KRAS: variants seen among roughly 807,000 people sequenced by gnomAD.
KRAS encodes the protein GTPase KRas.
KRAS carries 1 observed loss-of-function variant against 21.0 expected under a neutral mutation model. The ratio of observed to expected loss-of-function variants is 0.05; its 90% CI spans 0.02 to 0.23. The LOEUF is 0.23. Among genes scored for constraint, KRAS ranks in the 10% least tolerant of loss-of-function variants. The probability of loss-of-function intolerance (pLI) is 1.00; values close to 1 mark genes in which losing one functional copy is unlikely to be tolerated. For missense variants in KRAS, 107 were observed against 221.8 expected (o/e 0.48, Z 3.29); for synonymous variants, 67 against 72.5 (o/e 0.92, Z 0.39).
chr12:25,221,178 A>G (rs1951319868), intron 4 of KRAS, among the ~76,000 whole-genome samples: 1 of 152,084 alleles, frequency 6.6e-6, no homozygotes, highest in African/African-American at 2.4e-5. Flanking sequence ...CACTAAAGTT[A>G]CCCAGAGAAT....
rs1246589061 is a variant in KRAS, at chr12:25,207,992, T to G, written c.*1803A>C. 2 of 233,088 alleles carry G rather than the reference T, an allele frequency of 8.6e-6. No homozygotes were observed. The highest frequency in any genetic ancestry group is 4.4e-5 in the African/African-American group (2 of 45,338). The allele number at this position is 233,088 out of a possible 1,614,324, so 14.4% of individuals were successfully genotyped here. On this transcript the variant is annotated 3_prime_UTR_variant, in exon 5 of 5. Transcript: ENST00000311936. ...GTAGGGAGGCAAGATGACACTAATA[T>G]GGAAGAAGAGTCCTAAAACGAGAAT...
chr12:25,230,305 G>A (rs1247571787), intron 2 of KRAS, among the ~76,000 whole-genome samples: 1 of 152,118 alleles, frequency 6.6e-6, no homozygotes, highest in African/African-American at 2.4e-5. Flanking sequence ...ATGTTATAAA[G>A]GTTATGTCTT....
At position 25,209,377 on chromosome 12, in the gene KRAS, A is replaced by G. The variant is rs1951179260; in HGVS notation, c.*418T>C. The G allele has an allele frequency of 1.4e-6, 1 of 698,760 alleles. No homozygotes were observed. Among genetic ancestry groups the G allele is most frequent in the Non-Finnish European group, 2.2e-6 (1 of 458,280 alleles). 43.3% of individuals were successfully genotyped at this position (698,760 alleles called of 1,614,324 possible). A position where few individuals can be genotyped will look rare whatever the true frequency, so the allele number is the denominator to read the frequency against. On this transcript the variant is annotated 3_prime_UTR_variant, in exon 5 of 5. Coordinates refer to ENST00000311936, the MANE Select transcript of KRAS (RefSeq NM_004985.5). ...TCCCTCAATGTTTCAGTAAAAACCA[A>G]TTAGAAGGTCTCAACTGAAATTAGT...
intron 4 of KRAS, among the ~76,000 whole-genome samples, chr12:25,217,902 T>A (rs906917869): frequency 3.3e-5 from 5 of 152,010 alleles, no homozygotes; most frequent in South Asian, 2.1e-4. Flanking sequence ...TCTAAAAAAA[T>A]TTTTTTAATC....
At chr12:25,222,927 C>G (rs1358323056) in intron 4 of KRAS, among the ~76,000 whole-genome samples, 1 of 152,170 alleles carries the variant, frequency 6.6e-6, no homozygotes, top group Non-Finnish European at 1.5e-5. Context: ...TAACAAGACT[C>G]TTTTTATGTC....
chr12:25,210,250 A>ATG (rs148135322), intron 4 of KRAS, among the ~76,000 whole-genome samples: 15 of 152,040 alleles, frequency 9.9e-5, no homozygotes, highest in South Asian at 2.1e-4. Context: ...ATCCAAATGC[A>ATG]TGTGTGTGTG....
In KRAS at chr12:25,247,090, AAAT is replaced by A. The variant is rs567391563; in HGVS notation, c.-11-1698_-11-1696del. Among the ~76,000 whole-genome samples the A allele has an allele frequency of 1.1e-4, 17 of 152,220 alleles. No individual in the cohort carries two copies. The East Asian group carries it at 2.1e-3, about 19-fold the overall frequency. On this transcript the variant is annotated intron_variant, in intron 1 of 4. Coordinates refer to ENST00000311936, the MANE Select transcript of KRAS (RefSeq NM_004985.5). ...TTAGTTAGTTGTTTCAAATTTTTTG[AAAT>A]AATATGAATGTTTAATTTCACCTCC...
chr12:25,243,686 C>T (rs1009080577), intron 2 of KRAS, among the ~76,000 whole-genome samples: 1 of 152,158 alleles, frequency 6.6e-6, no homozygotes, highest in Non-Finnish European at 1.5e-5. Context: ...CTTCCAAAAT[C>T]CCAGGAAAAC....
At chr12:25,250,002 T>C (rs1951743908) in intron 1 of KRAS, among the ~76,000 whole-genome samples, 1 of 152,136 alleles carries the variant, frequency 6.6e-6, no homozygotes, top group South Asian at 2.1e-4. Flanking sequence ...TGGCCACCTG[T>C]TCTTCCACCA....
rs1951182140 is a variant in KRAS at position 25,209,657 on chromosome 12, A to G, written c.*138T>C. On this transcript the variant is annotated 3_prime_UTR_variant, in exon 5 of 5. Transcript: ENST00000311936. The stretch of plus-strand genomic sequence containing the variant: ...CTTCCACTGTCATTTTAAAATAAGC[A>G]TTTAAGGTAAAAGCTAACAGTCTGC... 1 of 1,391,452 alleles carries G rather than the reference A, an allele frequency of 7.2e-7. No homozygotes were observed. Among genetic ancestry groups the G allele is most frequent in the African/African-American group, 1.5e-5 (1 of 67,430 alleles). 86.2% of individuals were successfully genotyped at this position (1,391,452 alleles called of 1,614,324 possible). A position where few individuals can be genotyped will look rare whatever the true frequency, so the allele number is the denominator to read the frequency against.
intron 2 of KRAS, among the ~76,000 whole-genome samples, chr12:25,231,986 G>A (rs767517061): frequency 5.3e-5 from 8 of 151,570 alleles, no homozygotes; most frequent in Non-Finnish European, 1.0e-4. Flanking sequence ...GTATACACAC[G>A]GCATTGGTTC....
chr12:25,232,465 ACT>A (rs1951486316), intron 2 of KRAS, among the ~76,000 whole-genome samples: 1 of 152,062 alleles, frequency 6.6e-6, no homozygotes, highest in African/African-American at 2.4e-5. Context: ...TAAATTTACC[ACT>A]CTGAGAAAGT....
chr12:25,221,877 G>C (rs1033204279), intron 4 of KRAS, among the ~76,000 whole-genome samples: 3 of 152,088 alleles, frequency 2.0e-5, no homozygotes, highest in African/African-American at 7.2e-5. Flanking sequence ...AGGGCCAGGC[G>C]CGGTGGCTCA....
In KRAS at chr12:25,206,055, T is replaced by TA. The variant is rs200098607; in HGVS notation, c.*3739dup. 1.5e-3 allele frequency: 299 copies of TA among 203,810 alleles called. No individual in the cohort carries two copies. Among genetic ancestry groups the TA allele is most frequent in the Middle Eastern group, 0.013 (8 of 620 alleles). 12.6% of individuals were successfully genotyped at this position (203,810 alleles called of 1,614,324 possible). ...AAATCTTCAGATAGTTTTTGCTGTC[T>TA]AAAAAAAAATCCCCTAAAAAAAGTT... On this transcript the variant is annotated 3_prime_UTR_variant, in exon 5 of 5. Transcript: ENST00000311936.
At chr12:25,233,724 C>T in intron 2 of KRAS, 1 of 211,170 alleles carries the variant, frequency 4.7e-6, no homozygotes, top group East Asian at 7.2e-5. Context: ...TGGTAGGGCT[C>T]ACGCCTGTTG....
rs571987772 is a variant in KRAS, at chr12:25,205,583, G to C, written c.*4212C>G. 9.1e-6 allele frequency: 2 copies of C among 218,960 alleles called. No homozygotes were observed. Among genetic ancestry groups the C allele is most frequent in the South Asian group, 3.7e-4 (2 of 5,386 alleles). 13.6% of individuals were successfully genotyped at this position (218,960 alleles called of 1,614,324 possible). A position where few individuals can be genotyped will look rare whatever the true frequency, so the allele number is the denominator to read the frequency against. On this transcript the variant is annotated 3_prime_UTR_variant, in exon 5 of 5. Coordinates refer to ENST00000311936, the MANE Select transcript of KRAS (RefSeq NM_004985.5). ...TAAGAAATAGTACTAGTAAGAAATT[G>C]GCACTCAAAGGAAAAATGCAAAAGT...
At chr12:25,226,847 T>G (rs563070702) in intron 3 of KRAS, among the ~76,000 whole-genome samples, 2 of 152,244 alleles carry the variant, frequency 1.3e-5, no homozygotes, top group African/African-American at 4.8e-5. Context: ...TTCTATGCTA[T>G]ACACACGATT....
chr12:25,224,183 TAAAAA>T (rs5797121), intron 4 of KRAS, among the ~76,000 whole-genome samples: 3 of 79,718 alleles, frequency 3.8e-5, no homozygotes, highest in African/African-American at 1.4e-4. Context: ...TCCTATTTAC[TAAAAA>T]AAAAAAAAAA....
chr12:25,206,151 G>A lies in KRAS; in HGVS notation c.*3644C>T, dbSNP rs1310840525. The A allele has an allele frequency of 4.6e-6, 1 of 216,194 alleles. No individual in the cohort carries two copies. The highest frequency in any genetic ancestry group is 9.3e-6 in the Non-Finnish European group (1 of 107,372). 13.4% of individuals were successfully genotyped at this position (216,194 alleles called of 1,614,324 possible). On this transcript the variant is annotated 3_prime_UTR_variant, in exon 5 of 5. Transcript: ENST00000311936. Reference sequence around the variant, plus strand: ...TGGAATACAAATGAGATGAACTTGTGCAAACTGTAACTTAACATGCCCCAC... The same window carrying A: ...TGGAATACAAATGAGATGAACTTGTACAAACTGTAACTTAACATGCCCCAC...
Sources: allele counts gnomAD v4.1 joint callset (sites outside exome capture counted in the v4.1 genomes callset), GRCh38; gene constraint gnomAD v4.1.1; transcripts MANE v1.5; gene names NCBI Gene and HGNC (gene_info 2026-07-23, HGNC 2026-07-21).